Variants in COLEC10 observed in about 807,000 individuals in gnomAD.
COLEC10 encodes collectin-10.
COLEC10 carries 22 observed loss-of-function variants against 28.4 expected under a neutral mutation model. That is an observed-to-expected ratio of 0.78 (90% CI 0.55 to 1.11). COLEC10 has a LOEUF of 1.11. Among genes scored for constraint, COLEC10 ranks in the 50% least tolerant of loss-of-function variants. The pLI is 0.00. For synonymous variants in COLEC10, 125 were observed against 116.1 expected (o/e 1.08, Z -0.49); for missense variants, 361 against 344.1 (o/e 1.05, Z -0.39).
At chr8:119,095,797 A>T (rs1380821025) in intron 3 of COLEC10, among the ~76,000 whole-genome samples, 1 of 152,214 alleles carries the variant, frequency 6.6e-6, no homozygotes, top group Non-Finnish European at 1.5e-5. Context: ...AATGAAAATG[A>T]CCAAAAATAC....
intron 1 of COLEC10, among the ~76,000 whole-genome samples, chr8:119,008,807 C>T (rs1813853088): frequency 6.6e-6 from 1 of 150,938 alleles, no homozygotes; most frequent in African/African-American, 2.5e-5. Context: ...AGCCGCTGTT[C>T]CTCCCATATA....
chr8:119,004,612 T>C (rs554295264), intron 1 of COLEC10, among the ~76,000 whole-genome samples: 1 of 151,488 alleles, frequency 6.6e-6, no homozygotes, highest in East Asian at 2.0e-4. Flanking sequence ...AGAATATCAA[T>C]GCAGAGATAT....
chr8:118,952,922 A>G, the COLEC10 span, among the ~76,000 whole-genome samples: 1 of 152,192 alleles, frequency 6.6e-6, no homozygotes, highest in African/African-American at 2.4e-5. Context: ...GAAATTGTTT[A>G]CAGATGGCTG....
the COLEC10 span, among the ~76,000 whole-genome samples, chr8:118,964,743 A>G: frequency 1.3e-5 from 2 of 152,184 alleles, no homozygotes; most frequent in Admixed American, 1.3e-4. Flanking sequence ...TGTCTTTCCC[A>G]GGAGTGAACA....
chr8:119,026,131 T>C (rs565937551), intron 2 of COLEC10, among the ~76,000 whole-genome samples: 147 of 152,238 alleles, frequency 9.7e-4, no homozygotes, highest in Non-Finnish European at 1.6e-3. Flanking sequence ...TTTTATTGAA[T>C]GACTATCCTG....
At chr8:119,064,322 C>T (rs1287530923), upstream of COLEC10, among the ~76,000 whole-genome samples, 2 of 151,928 alleles carry the variant, frequency 1.3e-5, no homozygotes. Context: ...CAGAATATGC[C>T]AAGAAAATTT....
upstream of COLEC10, chr8:119,067,138 G>A (rs889492829): frequency 4.4e-5 from 32 of 721,078 alleles, no homozygotes; most frequent in Non-Finnish European, 6.4e-5. Flanking sequence ...ACAACCTAGG[G>A]TATGCTTCCT....
intron 2 of COLEC10, among the ~76,000 whole-genome samples, chr8:119,025,088 C>T (rs556964233): frequency 2.6e-5 from 4 of 152,064 alleles, no homozygotes; most frequent in Admixed American, 6.6e-5. Flanking sequence ...TACACAGTAC[C>T]GTTTTTCAGA....
At chr8:119,085,610 TTTTTTTTTTTTTG>T (rs1815464046) in intron 1 of COLEC10, among the ~76,000 whole-genome samples, 1 of 105,780 alleles carries the variant, frequency 9.5e-6, no homozygotes, top group South Asian at 3.4e-4. Flanking sequence ...TTTTTTTTTT[TTTTTTTTTTTTTG>T]TTGTTGTTGT....
intron 2 of COLEC10, among the ~76,000 whole-genome samples, chr8:119,013,870 A>T (rs988523212): frequency 6.6e-6 from 1 of 150,842 alleles, no homozygotes; most frequent in African/African-American, 2.5e-5. Context: ...TTATGCCTAA[A>T]GTTTGTAATG....
In COLEC10 at chr8:119,106,723, T is replaced by C. The variant is rs1815952819; in HGVS notation, c.*532T>C. The stretch of plus-strand genomic sequence containing the variant: ...TGGCTATACTTGGAAGTTCTCCTTG[T>C]TGGCACAGACATAGAAATGCTTTAA... On this transcript the variant is annotated 3_prime_UTR_variant, in exon 6 of 6. Coordinates refer to ENST00000332843, the MANE Select transcript of COLEC10 (RefSeq NM_006438.5). 2 of 154,558 alleles carry C rather than the reference T, an allele frequency of 1.3e-5. No homozygotes were observed. The highest frequency in any genetic ancestry group is 4.0e-4 in the South Asian group (2 of 4,992). 9.6% of individuals were successfully genotyped at this position (154,558 alleles called of 1,614,324 possible). A position where few individuals can be genotyped will look rare whatever the true frequency, so the allele number is the denominator to read the frequency against.
At chr8:118,964,114 A>T in the COLEC10 span, among the ~76,000 whole-genome samples, 1 of 152,214 alleles carries the variant, frequency 6.6e-6, no homozygotes, top group Non-Finnish European at 1.5e-5. Flanking sequence ...TAAGGAAATG[A>T]CATCAAAGCT....
intron 2 of COLEC10, among the ~76,000 whole-genome samples, chr8:119,016,985 A>T (rs1344044230): frequency 7.9e-5 from 5 of 62,916 alleles, no homozygotes; most frequent in Non-Finnish European, 6.2e-5. Flanking sequence ...AAGTGCTGGG[A>T]TAACAGGGGT....
intron 2 of COLEC10, among the ~76,000 whole-genome samples, chr8:119,045,292 A>G (rs1039562472): frequency 6.6e-6 from 1 of 152,172 alleles, no homozygotes; most frequent in Admixed American, 6.5e-5. Flanking sequence ...CTCATGTTCT[A>G]TTTTATCAGT....
intron 1 of COLEC10, among the ~76,000 whole-genome samples, chr8:119,005,837 G>A (rs112223488): frequency 0.012 from 1,898 of 152,158 alleles, 39 homozygotes; most frequent in African/African-American, 0.043. Flanking sequence ...TGAGGTGCAG[G>A]TAGAAGGAAA....
chr8:119,054,791 C>T (rs1232169694), intron 2 of COLEC10, among the ~76,000 whole-genome samples: 1 of 151,954 alleles, frequency 6.6e-6, no homozygotes, highest in Non-Finnish European at 1.5e-5. Flanking sequence ...CATGCCCTTC[C>T]TTATAAGCTT....
chr8:118,971,106 T>C, the COLEC10 span, among the ~76,000 whole-genome samples: 1 of 151,972 alleles, frequency 6.6e-6, no homozygotes, highest in African/African-American at 2.4e-5. Context: ...TAGTGTTAAT[T>C]TGAGTGTGGC....
intron 3 of COLEC10, among the ~76,000 whole-genome samples, chr8:119,100,267 G>C (rs772052582): frequency 1.4e-4 from 22 of 152,178 alleles, no homozygotes; most frequent in Non-Finnish European, 2.6e-4. Context: ...ATGTCCTCGA[G>C]CAAGTTATTT....
At chr8:119,036,043 ATTTG>A (rs1398012193) in intron 2 of COLEC10, among the ~76,000 whole-genome samples, 2 of 152,146 alleles carry the variant, frequency 1.3e-5, no homozygotes, top group Admixed American at 1.3e-4. Flanking sequence ...TTACATCTCT[ATTTG>A]TTTATGTTTT....
Sources: allele counts gnomAD v4.1 joint callset (sites outside exome capture counted in the v4.1 genomes callset), GRCh38; gene constraint gnomAD v4.1.1; transcripts MANE v1.5; gene names NCBI Gene and HGNC (gene_info 2026-07-23, HGNC 2026-07-21).